The following GPR137C variants were observed in gnomAD, a reference collection of about 807,000 sequenced individuals.
The protein encoded by GPR137C is G protein-coupled receptor 137C, also known as integral membrane protein GPR137C.
Under a neutral mutation model 43.4 loss-of-function variants are expected in GPR137C, and 27 were observed. The observed-to-expected ratio is 0.62, with a 90% CI of 0.46 to 0.86. The LOEUF (loss-of-function observed/expected upper bound fraction) is 0.86. Among genes scored for constraint, GPR137C ranks in the 40% least tolerant of loss-of-function variants. GPR137C has a pLI of 0.00. For synonymous variants in GPR137C, 285 were observed against 226.9 expected (o/e 1.26, Z -2.30); for missense variants, 522 against 534.6 (o/e 0.98, Z 0.23).
chr14:52,606,227 T>C (rs543350181), intron 3 of GPR137C, among the ~76,000 whole-genome samples: 3 of 152,294 alleles, frequency 2.0e-5, no homozygotes, highest in African/African-American at 7.2e-5. Flanking sequence ...TGTTACTCAT[T>C]ATTGATGTAT....
intron 3 of GPR137C, among the ~76,000 whole-genome samples, chr14:52,617,029 A>G (rs915338177): frequency 6.6e-6 from 1 of 152,234 alleles, no homozygotes; most frequent in African/African-American, 2.4e-5. Context: ...GCCCAGATTC[A>G]GTACCTAAAA....
rs139698921 is a variant in GPR137C, at chr14:52,578,661, C to A, written c.445-19611C>A. Among the ~76,000 whole-genome samples the A allele has an allele frequency of 8.3e-3, 1,260 of 152,176 alleles. 28 individuals carry two copies. The highest frequency in any genetic ancestry group is 0.051 in the East Asian group (265 of 5,182). On this transcript the variant is annotated intron_variant, in intron 1 of 6. Coordinates refer to ENST00000321662, the MANE Select transcript of GPR137C (RefSeq NM_001099652.2). ...CTAATAATTAAGAGTGGAGGCCAGG[C>A]ATGGTGGCTCACACCTGTAATCCCA...
intron 2 of GPR137C, among the ~76,000 whole-genome samples, chr14:52,599,299 A>G (rs2038894842): frequency 6.6e-6 from 1 of 152,170 alleles, no homozygotes; most frequent in African/African-American, 2.4e-5. Context: ...TGAGGTATTA[A>G]TGGGTGCTTG....
intron 3 of GPR137C, among the ~76,000 whole-genome samples, chr14:52,629,603 A>G (rs77594639): frequency 0.019 from 2,908 of 152,298 alleles, 79 homozygotes; most frequent in African/African-American, 0.053. Flanking sequence ...TTCATATTCT[A>G]TGGTGCCACT....
chr14:52,610,939 G>A (rs561702852), intron 3 of GPR137C, among the ~76,000 whole-genome samples: 1 of 151,876 alleles, frequency 6.6e-6, no homozygotes, highest in Admixed American at 6.6e-5. Flanking sequence ...TAATCTTTTA[G>A]GTGTGTATTT....
intron 3 of GPR137C, among the ~76,000 whole-genome samples, chr14:52,616,389 G>A (rs1298567273): frequency 6.6e-6 from 1 of 152,284 alleles, no homozygotes; most frequent in Middle Eastern, 3.4e-3. Flanking sequence ...TGCCTCCTGG[G>A]TTCAAGGGAT....
At chr14:52,558,213 ATT>A (rs2038224635) in intron 1 of GPR137C, among the ~76,000 whole-genome samples, 1 of 152,052 alleles carries the variant, frequency 6.6e-6, no homozygotes, top group Admixed American at 6.6e-5. Context: ...CCAGATTTTA[ATT>A]TTGTGTGTTG....
chr14:52,578,944 C>CAAA (rs564809341), intron 1 of GPR137C, among the ~76,000 whole-genome samples: 62 of 93,948 alleles, frequency 6.6e-4, no homozygotes, highest in African/African-American at 2.3e-3. Flanking sequence ...GACTCCGTCT[C>CAAA]AAAAAAAAAA....
chr14:52,584,464 ATTC>A (rs1566611261), intron 1 of GPR137C, among the ~76,000 whole-genome samples: 5 of 152,190 alleles, frequency 3.3e-5, no homozygotes. Flanking sequence ...TCACAGAAGT[ATTC>A]TTCGTGTAAG....
chr14:52,553,746 G>T (rs2038139902), intron 1 of GPR137C, among the ~76,000 whole-genome samples, 155 bp downstream of exon 1: 1 of 152,208 alleles, frequency 6.6e-6, no homozygotes, highest in South Asian at 2.1e-4. Context: ...GTGTGAGCCA[G>T]TGTTTTCGCC....
chr14:52,636,347 T>C lies in GPR137C; in HGVS notation c.*1232T>C, dbSNP rs2039352660. ...TCTAAAAAAAAAGAAAATGGCAGGC[T>C]GAGATAATACAGAATTTTAAAATGC... On this transcript the variant is annotated 3_prime_UTR_variant, in exon 7 of 7. Coordinates refer to ENST00000321662, the MANE Select transcript of GPR137C (RefSeq NM_001099652.2). 6.6e-6 allele frequency: 1 copy of C among 152,066 alleles called. No individual in the cohort carries two copies. Among genetic ancestry groups the C allele is most frequent in the South Asian group, 2.1e-4 (1 of 4,838 alleles). 9.4% of individuals were successfully genotyped at this position (152,066 alleles called of 1,614,324 possible). A position where few individuals can be genotyped will look rare whatever the true frequency, so the allele number is the denominator to read the frequency against.
chr14:52,570,666 T>C (rs1477048698), intron 1 of GPR137C, among the ~76,000 whole-genome samples: 1 of 151,676 alleles, frequency 6.6e-6, no homozygotes, highest in Non-Finnish European at 1.5e-5. Flanking sequence ...ACCAAGCAAA[T>C]GGAAAGCAAA....
intron 1 of GPR137C, among the ~76,000 whole-genome samples, chr14:52,594,444 G>A (rs1034538295): frequency 6.6e-6 from 1 of 151,018 alleles, no homozygotes; most frequent in African/African-American, 2.4e-5. Flanking sequence ...TCCGATTATT[G>A]GGAGTCTAAG....
At chr14:52,590,346 A>C (rs1566613306) in intron 1 of GPR137C, among the ~76,000 whole-genome samples, 1 of 152,244 alleles carries the variant, frequency 6.6e-6, no homozygotes, top group South Asian at 2.1e-4. Flanking sequence ...GGGTCAGTAC[A>C]AGAGTCAAAA....
chr14:52,573,999 C>G (rs1240492840), intron 1 of GPR137C, among the ~76,000 whole-genome samples: 3 of 152,082 alleles, frequency 2.0e-5, no homozygotes, highest in African/African-American at 7.2e-5. Context: ...TAGAGAAATG[C>G]AAATCAAAAC....
At chr14:52,615,467 G>T (rs373089224) in intron 3 of GPR137C, among the ~76,000 whole-genome samples, 2 of 140,388 alleles carry the variant, frequency 1.4e-5, no homozygotes, top group African/African-American at 2.6e-5. Context: ...ACATTTTAGG[G>T]TTTTTTTTTT....
chr14:52,568,417 T>A (rs111820315), intron 1 of GPR137C, among the ~76,000 whole-genome samples: 8,435 of 152,054 alleles, frequency 0.055, 265 homozygotes, highest in Middle Eastern at 0.075. Flanking sequence ...GAGTTTTTTT[T>A]TCATACCCCG....
intron 1 of GPR137C, among the ~76,000 whole-genome samples, chr14:52,569,809 A>C (rs953249370): frequency 1.2e-4 from 18 of 152,144 alleles, no homozygotes; most frequent in African/African-American, 3.9e-4. Flanking sequence ...GACCAAACTT[A>C]TGTTTGATTG....
At chr14:52,628,173 A>G (rs1167488519) in intron 3 of GPR137C, among the ~76,000 whole-genome samples, 2 of 151,492 alleles carry the variant, frequency 1.3e-5, no homozygotes, top group Non-Finnish European at 2.9e-5. Context: ...AGATTAGTAG[A>G]ACAGAATGAG....
Sources: allele counts gnomAD v4.1 joint callset (sites outside exome capture counted in the v4.1 genomes callset), GRCh38; gene constraint gnomAD v4.1.1; transcripts MANE v1.5; gene names NCBI Gene and HGNC (gene_info 2026-07-23, HGNC 2026-07-21).